The following MARCHF8 variants were observed in gnomAD, a reference collection of about 807,000 sequenced individuals.
MARCHF8 encodes the protein E3 ubiquitin-protein ligase MARCHF8.
MARCHF8 carries 40 observed loss-of-function variants against 51.6 expected under a neutral mutation model. The ratio of observed to expected loss-of-function variants is 0.77; its 90% CI spans 0.60 to 1.01. The LOEUF is 1.01. Among genes scored for constraint, MARCHF8 ranks in the 50% least tolerant of loss-of-function variants. The probability of loss-of-function intolerance (pLI) is 0.00; values close to 1 mark genes in which losing one functional copy is unlikely to be tolerated. For missense variants in MARCHF8, 685 were observed against 708.6 expected (o/e 0.97, Z 0.38); for synonymous variants, 263 against 280.3 (o/e 0.94, Z 0.62).
Position 45,511,415 on chromosome 10 carries a change from G to A in MARCHF8, c.102+21695C>T, listed in dbSNP as rs572954273. On this transcript the variant is annotated intron_variant, in intron 2 of 7. Coordinates refer to ENST00000453424, the MANE Select transcript of MARCHF8 (RefSeq NM_001282866.2). ...CCTCTCCCTCTCCCCACGGCCCACG[G>A]TCTCCCTCTCCCTCTCTTTCCACGG... Among the ~76,000 whole-genome samples, 8 of 151,860 alleles carry A rather than the reference G, an allele frequency of 5.3e-5. No homozygotes were observed. In the South Asian group the frequency reaches 1.7e-3, roughly 32 times the overall value.
Position 45,533,308 on chromosome 10 carries a change from A to G in MARCHF8, c.-78-19T>C. 1 of 1,409,878 alleles carries G rather than the reference A, an allele frequency of 7.1e-7. No individual in the cohort carries two copies. The highest frequency in any genetic ancestry group is 9.3e-7 in the Non-Finnish European group (1 of 1,076,784). 87.3% of individuals were successfully genotyped at this position (1,409,878 alleles called of 1,614,324 possible). A position where few individuals can be genotyped will look rare whatever the true frequency, so the allele number is the denominator to read the frequency against. On this transcript the variant is annotated intron_variant, in intron 1 of 7. Transcript: ENST00000453424. ...TTTCAAGCTGAGAGAAAATGAAGAG[A>G]GAATAAACATAACTCAGCTAAAACA...
intron 2 of MARCHF8, among the ~76,000 whole-genome samples, chr10:45,517,537 C>T (rs978423331): frequency 4.6e-5 from 7 of 152,274 alleles, no homozygotes; most frequent in South Asian, 4.1e-4. Flanking sequence ...CTCCTGCTCT[C>T]GCCATATGAG....
intron 1 of MARCHF8, among the ~76,000 whole-genome samples, chr10:45,593,830 GAA>G (rs907510576): frequency 1.3e-5 from 2 of 152,092 alleles, no homozygotes; most frequent in African/African-American, 4.8e-5. Context: ...AAAAATAACA[GAA>G]AACTCCACAC....
At chr10:45,505,275 A>C (rs764720044) in intron 2 of MARCHF8, among the ~76,000 whole-genome samples, 1 of 152,130 alleles carries the variant, frequency 6.6e-6, no homozygotes, top group Non-Finnish European at 1.5e-5. Flanking sequence ...TTTCAGTAGG[A>C]TTGGGTCCCC....
At chr10:45,557,999 C>A (rs1054624499) in intron 1 of MARCHF8, among the ~76,000 whole-genome samples, 2 of 152,172 alleles carry the variant, frequency 1.3e-5, no homozygotes, top group African/African-American at 2.4e-5. Flanking sequence ...TAAGAAATGT[C>A]AATGATCAGT....
intron 1 of MARCHF8, among the ~76,000 whole-genome samples, chr10:45,589,455 T>C (rs897825321): frequency 5.3e-5 from 8 of 152,220 alleles, no homozygotes; most frequent in Admixed American, 1.3e-4. Context: ...TGCAATTCAA[T>C]AGTTTTTAGC....
At chr10:45,513,724 C>T (rs2043573936) in intron 2 of MARCHF8, among the ~76,000 whole-genome samples, 1 of 151,534 alleles carries the variant, frequency 6.6e-6, no homozygotes, top group South Asian at 2.1e-4. Flanking sequence ...AATGGCAACA[C>T]TGGAACAGCC....
chr10:45,530,974 T>C (rs180756786), intron 2 of MARCHF8, among the ~76,000 whole-genome samples: 198 of 152,128 alleles, frequency 1.3e-3, no homozygotes, highest in Admixed American at 6.8e-3. Context: ...TGTCTAGTGA[T>C]AAAACATGTC....
At chr10:45,522,483 T>C (rs1056117351) in intron 2 of MARCHF8, among the ~76,000 whole-genome samples, 1 of 142,732 alleles carries the variant, frequency 7.0e-6, no homozygotes, top group Admixed American at 7.3e-5. Context: ...GTAACAATCC[T>C]GGGGTGTAAT....
intron 2 of MARCHF8, among the ~76,000 whole-genome samples, chr10:45,509,964 G>GCTGAAC (rs2043464597): frequency 6.6e-6 from 1 of 150,868 alleles, no homozygotes; most frequent in Non-Finnish European, 1.5e-5. Flanking sequence ...GCTGTGCCCA[G>GCTGAAC]CTGAACAACG....
intron 1 of MARCHF8, among the ~76,000 whole-genome samples, chr10:45,556,169 C>G (rs2044249802): frequency 6.6e-6 from 1 of 152,066 alleles, no homozygotes; most frequent in Non-Finnish European, 1.5e-5. Context: ...TTCAATAAGA[C>G]AGAAAATAAG....
At chr10:45,480,662 C>T (rs193064483) in intron 3 of MARCHF8, among the ~76,000 whole-genome samples, 50 of 152,298 alleles carry the variant, frequency 3.3e-4, no homozygotes, top group African/African-American at 1.1e-3. Context: ...GTTGAGCCTG[C>T]GGGTACACAA....
chr10:45,594,867 C>G (rs1032244957), exon 1 of MARCHF8: 1 of 152,134 alleles, frequency 6.6e-6, no homozygotes, highest in African/African-American at 2.4e-5. Context: ...CAGCGCGTCG[C>G]CTGTTTACAC....
intron 1 of MARCHF8, 72 bp from the exon 2 acceptor site, chr10:45,533,361 AT>A (rs1382358115): frequency 2.3e-5 from 21 of 932,004 alleles, no homozygotes; most frequent in Non-Finnish European, 3.0e-5. Flanking sequence ...TGAGCTTAAC[AT>A]TTTATACTTA....
chr10:45,588,998 CAAAAAAAA>C lies in MARCHF8; in HGVS notation c.-79+5229_-79+5236del, dbSNP rs72350925. Among the ~76,000 whole-genome samples the C allele has an allele frequency of 9.5e-4, 83 of 87,686 alleles. 1 individual carries two copies. In the East Asian group the frequency reaches 0.017, roughly 18 times the overall value. 57.5% of individuals were successfully genotyped at this position (87,686 alleles called of 152,430 possible). A position where few individuals can be genotyped will look rare whatever the true frequency, so the allele number is the denominator to read the frequency against. ...TGGGTGACAGAGCAAGACTACGTTT[CAAAAAAAA>C]AAAAAAAAAAAAAAGAATCCATATT... On this transcript the variant is annotated intron_variant, in intron 1 of 6. Coordinates refer to the MARCHF8 transcript ENST00000319836.
chr10:45,467,504 G>C (rs1366556945), intron 3 of MARCHF8, among the ~76,000 whole-genome samples: 4 of 152,148 alleles, frequency 2.6e-5, no homozygotes, highest in Non-Finnish European at 5.9e-5. Context: ...ATTTGTTGCT[G>C]CTATAGACCT....
intron 1 of MARCHF8, among the ~76,000 whole-genome samples, chr10:45,579,973 A>C (rs529789377): frequency 1.5e-5 from 2 of 129,564 alleles, no homozygotes; most frequent in East Asian, 5.0e-4. Context: ...AGATCATACC[A>C]CTGCACTCCA....
At position 45,583,690 on chromosome 10, in the gene MARCHF8, C is replaced by T. The variant is rs868586756; in HGVS notation, c.-79+10545G>A. 5.3e-5 allele frequency among the ~76,000 whole-genome samples: 8 copies of T among 152,170 alleles called. 1 individual carries two copies. Among genetic ancestry groups the T allele is most frequent in the Admixed American group, 2.0e-4 (3 of 15,280 alleles). ...AAATATAGTATGTAGTATGATGCTA[C>T]TTTTATTAAAATACCCAGTATAACT... On this transcript the variant is annotated intron_variant, in intron 1 of 6. Coordinates refer to the MARCHF8 transcript ENST00000319836.
Position 45,521,305 on chromosome 10 carries a change from T to A in MARCHF8, c.102+11805A>T, listed in dbSNP as rs572559286. ...TGATTTGATTAAGCAGTAAAAAAGATTACCCAAAACCAGTAATTCCAAGTA... is the reference window on the plus strand; with the variant it reads ...TGATTTGATTAAGCAGTAAAAAAGAATACCCAAAACCAGTAATTCCAAGTA... On this transcript the variant is annotated intron_variant, in intron 2 of 7. Transcript: ENST00000453424. Among the ~76,000 whole-genome samples, 173 of 152,332 alleles carry A rather than the reference T, an allele frequency of 1.1e-3. 1 individual carries two copies. Among genetic ancestry groups the A allele is most frequent in the African/African-American group, 4.0e-3 (168 of 41,586 alleles).
Sources: gnomAD v4.1 joint callset for allele counts (sites outside exome capture counted in the v4.1 genomes callset) on GRCh38, gnomAD v4.1.1 for gene constraint, MANE v1.5 for transcripts, NCBI Gene and HGNC (gene_info 2026-07-23, HGNC 2026-07-21) for gene names.